Variants in NKAIN2 observed in about 807,000 individuals in gnomAD.
NKAIN2 encodes sodium/potassium-transporting ATPase subunit beta-1-interacting protein 2.
Under a neutral mutation model 32.6 loss-of-function variants are expected in NKAIN2, and 14 were observed. The observed-to-expected ratio is 0.43, with a 90% confidence interval of 0.28 to 0.67. The LOEUF (loss-of-function observed/expected upper bound fraction) is 0.67, where lower values mean the gene tolerates loss of function less well. Ranked by LOEUF, NKAIN2 falls within the 30% of genes least tolerant of loss-of-function variation. The pLI is 0.17. For synonymous variants in NKAIN2, 80 were observed against 87.2 expected (o/e 0.92, Z 0.46); for missense variants, 198 against 258.3 (o/e 0.77, Z 1.60).
chr6:124,152,318 A>AT (rs1410703473), intron 1 of NKAIN2, among the ~76,000 whole-genome samples: 1 of 151,954 alleles, frequency 6.6e-6, no homozygotes, highest in Admixed American at 6.6e-5. Flanking sequence ...CTAATTGTGA[A>AT]TTTTTGCACC....
intron 3 of NKAIN2, among the ~76,000 whole-genome samples, chr6:124,417,745 C>T (rs1774560968): frequency 6.6e-6 from 1 of 152,092 alleles, no homozygotes; most frequent in Admixed American, 6.6e-5. Flanking sequence ...ATGCTGTTTC[C>T]TCTGTCTCAG....
intron 3 of NKAIN2, among the ~76,000 whole-genome samples, chr6:124,650,420 A>G (rs577206182): frequency 2.0e-5 from 3 of 152,314 alleles, no homozygotes; most frequent in East Asian, 1.9e-4. Context: ...AAGGAAATAT[A>G]TAGGTATCAA....
At chr6:123,952,598 T>A (rs1243899962) in intron 1 of NKAIN2, among the ~76,000 whole-genome samples, 1 of 152,194 alleles carries the variant, frequency 6.6e-6, no homozygotes, top group Non-Finnish European at 1.5e-5. Flanking sequence ...TTTTAATTTG[T>A]ATCTGCCTGG....
chr6:124,509,173 G>A (rs2114768494), intron 3 of NKAIN2, among the ~76,000 whole-genome samples: 1 of 152,286 alleles, frequency 6.6e-6, no homozygotes, highest in South Asian at 2.1e-4. Flanking sequence ...CAAGTAATAA[G>A]TGCACATTCA....
intron 5 of NKAIN2, among the ~76,000 whole-genome samples, chr6:124,798,968 A>G (rs1407683923): frequency 6.6e-6 from 1 of 152,230 alleles, no homozygotes; most frequent in Non-Finnish European, 1.5e-5. Flanking sequence ...AAATGAATGA[A>G]TCAATTGGAT....
intron 3 of NKAIN2, among the ~76,000 whole-genome samples, chr6:124,554,638 A>G (rs974790607): frequency 2.6e-5 from 4 of 152,238 alleles, no homozygotes; most frequent in Admixed American, 2.0e-4. Flanking sequence ...AACTTTCCTT[A>G]TGAGTCTCAT....
At chr6:123,962,500 C>CG (rs1336042931) in intron 1 of NKAIN2, among the ~76,000 whole-genome samples, 3 of 152,164 alleles carry the variant, frequency 2.0e-5, no homozygotes, top group African/African-American at 7.2e-5. Context: ...CTTTGAGCTA[C>CG]GAGTTCTACT....
At chr6:124,162,715 G>A (rs1411653286) in intron 1 of NKAIN2, among the ~76,000 whole-genome samples, 1 of 152,070 alleles carries the variant, frequency 6.6e-6, no homozygotes, top group African/African-American at 2.4e-5. Context: ...AGCCATCAAA[G>A]TGGTAGCCAG....
At chr6:124,172,055 G>T (rs1434185242) in intron 1 of NKAIN2, among the ~76,000 whole-genome samples, 4 of 151,868 alleles carry the variant, frequency 2.6e-5, no homozygotes, top group African/African-American at 4.8e-5. Context: ...CTCGTGATCC[G>T]TCCGCCTCGG....
intron 1 of NKAIN2, among the ~76,000 whole-genome samples, chr6:123,840,677 T>G (rs991166505): frequency 6.6e-6 from 1 of 152,120 alleles, no homozygotes; most frequent in Non-Finnish European, 1.5e-5. Context: ...TTTATAGTGC[T>G]TAGAAAAATG....
chr6:123,865,519 C>A (rs541376034), intron 1 of NKAIN2, among the ~76,000 whole-genome samples: 8 of 151,932 alleles, frequency 5.3e-5, no homozygotes, highest in Non-Finnish European at 1.0e-4. Context: ...TGATTCAAAA[C>A]AAGAAATTAA....
At chr6:124,230,571 G>T (rs1000931346) in intron 1 of NKAIN2, among the ~76,000 whole-genome samples, 4 of 152,138 alleles carry the variant, frequency 2.6e-5, no homozygotes, top group African/African-American at 7.2e-5. Flanking sequence ...CATGGGATGG[G>T]CCCAGGGTCC....
chr6:124,020,191 C>G (rs796528615), intron 1 of NKAIN2, among the ~76,000 whole-genome samples: 3 of 152,148 alleles, frequency 2.0e-5, no homozygotes, highest in African/African-American at 7.2e-5. Context: ...TATGCTTGTT[C>G]TTTGTATTTC....
At chr6:124,416,301 A>T (rs1450607595) in intron 3 of NKAIN2, among the ~76,000 whole-genome samples, 3 of 152,116 alleles carry the variant, frequency 2.0e-5, no homozygotes, top group Non-Finnish European at 2.9e-5. Context: ...CACCTAAGTT[A>T]TATGTGCATT....
chr6:124,097,724 C>T (rs1449671367), intron 1 of NKAIN2, among the ~76,000 whole-genome samples: 39 of 152,036 alleles, frequency 2.6e-4, no homozygotes, highest in Admixed American at 2.5e-3. Context: ...GGAATGTTGA[C>T]GCATAAATTG....
intron 4 of NKAIN2, among the ~76,000 whole-genome samples, chr6:124,699,435 A>G (rs1184146639): frequency 6.6e-6 from 1 of 152,104 alleles, no homozygotes; most frequent in Non-Finnish European, 1.5e-5. Flanking sequence ...TACGGTTTTG[A>G]TCTCTGTCCC....
intron 3 of NKAIN2, among the ~76,000 whole-genome samples, chr6:124,442,423 C>T (rs1245416797): frequency 3.9e-5 from 6 of 152,064 alleles, no homozygotes; most frequent in South Asian, 2.1e-4. Context: ...CAAGCTTGAA[C>T]GTTTTCTTCT....
intron 1 of NKAIN2, among the ~76,000 whole-genome samples, chr6:124,252,724 G>A (rs1793743776): frequency 6.6e-6 from 1 of 152,088 alleles, no homozygotes; most frequent in South Asian, 2.1e-4. Context: ...TCACTTCAGT[G>A]TGATGGTTAA....
intron 1 of NKAIN2, among the ~76,000 whole-genome samples, chr6:123,889,276 C>T (rs1379411616): frequency 6.6e-6 from 1 of 152,072 alleles, no homozygotes; most frequent in Non-Finnish European, 1.5e-5. Context: ...GCTGGTTGAT[C>T]TGAATGGCAT....
Sources: allele counts gnomAD v4.1 joint callset (sites outside exome capture counted in the v4.1 genomes callset), GRCh38; gene constraint gnomAD v4.1.1; transcripts MANE v1.5; gene names NCBI Gene and HGNC (gene_info 2026-07-23, HGNC 2026-07-21).